GAB1: variants seen among roughly 807,000 people sequenced by gnomAD.
GAB1 encodes GRB2 associated binding protein 1.
A neutral mutation model predicts 66.5 loss-of-function variants in GAB1; 19 were observed. The ratio of observed to expected loss-of-function variants is 0.29; its 90% CI spans 0.20 to 0.42. The LOEUF is 0.42. Among genes scored for constraint, GAB1 ranks in the 10% least tolerant of loss-of-function variants. GAB1 has a pLI of 1.00. For missense variants in GAB1, 732 were observed against 858.5 expected (o/e 0.85, Z 1.84); for synonymous variants, 294 against 301.4 (o/e 0.98, Z 0.25).
rs1273805816 is a variant in GAB1, at chr4:143,349,683, G to A, written c.72+12423G>A. 3 of 1,523,792 alleles carry A rather than the reference G, an allele frequency of 2.0e-6. No individual in the cohort carries two copies. The East Asian group carries it at 6.9e-5, about 35-fold the overall frequency. 94.4% of individuals were successfully genotyped at this position (1,523,792 alleles called of 1,614,324 possible). A position where few individuals can be genotyped will look rare whatever the true frequency, so the allele number is the denominator to read the frequency against. On this transcript the variant is annotated intron_variant, in intron 1 of 9. Coordinates refer to ENST00000262994, the MANE Select transcript of GAB1 (RefSeq NM_002039.4). The stretch of plus-strand genomic sequence containing the variant: ...TGTGCACGGGGACAATGGAGAGCTT[G>A]GCCAGGATGATGGCCCCACAGATGG...
chr4:143,463,344 G>A (rs916472645), intron 8 of GAB1, among the ~76,000 whole-genome samples: 2 of 151,826 alleles, frequency 1.3e-5, no homozygotes, highest in Non-Finnish European at 2.9e-5. Context: ...AATCTAGGCC[G>A]GGCATAGTGG....
At chr4:143,405,224 G>GAT (rs972490419) in intron 1 of GAB1, among the ~76,000 whole-genome samples, 115 of 151,968 alleles carry the variant, frequency 7.6e-4, no homozygotes, top group African/African-American at 2.4e-3. Context: ...CAAATGTATG[G>GAT]ATATATAGAG....
intron 1 of GAB1, among the ~76,000 whole-genome samples, chr4:143,352,339 A>G (rs1480530943): frequency 6.6e-6 from 1 of 152,210 alleles, no homozygotes; most frequent in Non-Finnish European, 1.5e-5. Flanking sequence ...GTCTGCATTT[A>G]TGCTGATGTC....
At chr4:143,461,428 G>A (rs924488843) in intron 8 of GAB1, among the ~76,000 whole-genome samples, 1 of 152,132 alleles carries the variant, frequency 6.6e-6, no homozygotes, top group Non-Finnish European at 1.5e-5. Flanking sequence ...CTTGGGTGTG[G>A]CACATATGCT....
At chr4:143,443,116 A>C (rs1225299742) in intron 6 of GAB1, among the ~76,000 whole-genome samples, 2 of 147,046 alleles carry the variant, frequency 1.4e-5, no homozygotes, top group Non-Finnish European at 3.0e-5. Context: ...TCTGGGGTTC[A>C]CGCCATTCTC....
At chr4:143,415,452 A>G in intron 1 of GAB1, 25 bp from the exon 2 acceptor site, 1 of 1,551,416 alleles carries the variant, frequency 6.4e-7, no homozygotes, top group South Asian at 1.2e-5. Flanking sequence ...TTAATACTGA[A>G]TGGATATTTT....
rs774444051 is a variant in GAB1 at position 143,438,499 on chromosome 4, C to T, written c.1094C>T (p.Thr365Ile). The change falls in exon 4 of 10, where the codon ACC (threonine) becomes ATC (isoleucine). Residue 365 changes from threonine to isoleucine, a missense_variant. Coordinates refer to ENST00000262994, the MANE Select transcript of GAB1 (RefSeq NM_002039.4). ...SPVETCSIPRTASDTDSSYCI... is the reference protein window; with the variant it reads ...SPVETCSIPRIASDTDSSYCI... ...GTGGAAACGTGTAGTATCCCACGCA[C>T]CGCCTCAGACACTGACAGTAGTTAC... 1.2e-5 allele frequency: 19 copies of T among 1,613,946 alleles called. No homozygotes were observed. Among genetic ancestry groups the T allele is most frequent in the African/African-American group, 2.7e-5 (2 of 74,898 alleles).
At chr4:143,430,584 A>G (rs192234184) in intron 2 of GAB1, among the ~76,000 whole-genome samples, 25 of 152,348 alleles carry the variant, frequency 1.6e-4, no homozygotes, top group Admixed American at 1.3e-3. Context: ...TAATTATGTT[A>G]GAGGGTTAAA....
At chr4:143,444,865 C>T (rs1408099374) in intron 6 of GAB1, among the ~76,000 whole-genome samples, 2 of 152,126 alleles carry the variant, frequency 1.3e-5, no homozygotes, top group Non-Finnish European at 2.9e-5. Flanking sequence ...ATTTGGTTTT[C>T]TGTTCCTGCG....
At chr4:143,417,331 C>G (rs1029450955) in intron 2 of GAB1, 1 of 329,908 alleles carries the variant, frequency 3.0e-6, no homozygotes, top group African/African-American at 2.2e-5. Context: ...GGTGCCTATC[C>G]TGGAAAGAGC....
Position 143,460,418 on chromosome 4 carries a change from A to C in GAB1, c.1734A>C (p.Ser578=), listed in dbSNP as rs1254428486. The C allele has an allele frequency of 6.2e-7, 1 of 1,613,720 alleles. No individual in the cohort carries two copies. The highest frequency in any genetic ancestry group is 2.2e-5 in the East Asian group (1 of 44,868). The part of the protein sequence containing the change: ...PRPDSVHSTT[S]SSDSHDSEEN... Reference sequence around the variant, plus strand: ...CAGATTCAGTGCATAGCACAACTTCAAGCAGTGACTCACACGACAGTGAAG... The same window carrying C: ...CAGATTCAGTGCATAGCACAACTTCCAGCAGTGACTCACACGACAGTGAAG... Residue 578 remains serine, a synonymous_variant, in exon 8 of 10, where the codon TCA becomes TCC. Transcript: ENST00000262994.
chr4:143,351,423 C>T (rs899346768), intron 1 of GAB1, among the ~76,000 whole-genome samples: 1 of 152,212 alleles, frequency 6.6e-6, no homozygotes, highest in Non-Finnish European at 1.5e-5. Flanking sequence ...CCTGCGGGTG[C>T]TCTTCCGCGG....
intron 1 of GAB1, among the ~76,000 whole-genome samples, chr4:143,402,011 A>AT (rs2149700829): frequency 6.6e-6 from 1 of 152,268 alleles, no homozygotes; most frequent in African/African-American, 2.4e-5. Context: ...AGGCACAGAC[A>AT]TTTAAAATTT....
chr4:143,451,705 G>A (rs1255232536), intron 6 of GAB1, among the ~76,000 whole-genome samples: 1 of 152,022 alleles, frequency 6.6e-6, no homozygotes, highest in Non-Finnish European at 1.5e-5. Context: ...CAGGGTTCTT[G>A]AAGTCTTTGT....
At chr4:143,388,693 G>A (rs1263666178) in intron 1 of GAB1, among the ~76,000 whole-genome samples, 5 of 152,132 alleles carry the variant, frequency 3.3e-5, no homozygotes, top group African/African-American at 1.2e-4. Context: ...GGGATTATAG[G>A]CATGAGTCAC....
In GAB1 at chr4:143,474,139, T is replaced by C. The variant is rs1462841253; in HGVS notation, c.*4950T>C. The C allele has an allele frequency of 6.6e-6, 1 of 152,178 alleles. No individual in the cohort carries two copies. Among genetic ancestry groups the C allele is most frequent in the African/African-American group, 2.4e-5 (1 of 41,434 alleles). The allele number at this position is 152,178 out of a possible 1,614,324, so 9.4% of individuals were successfully genotyped here. On this transcript the variant is annotated 3_prime_UTR_variant, in exon 10 of 10. Coordinates refer to ENST00000262994, the MANE Select transcript of GAB1 (RefSeq NM_002039.4). ...TGATTGGGTAACATGTCCCCTTAGA[T>C]TTCCTGATTTAAAATTATACAAAAT...
rs1736159515 is a variant in GAB1 at position 143,473,273 on chromosome 4, T to C, written c.*4084T>C. ...TAAAGGTCCCATTGTAGATCTTTTC[T>C]GCTACCAAATAAAACTTTTCAAACA... On this transcript the variant is annotated 3_prime_UTR_variant, in exon 10 of 10. Transcript: ENST00000262994. 1.3e-5 allele frequency: 2 copies of C among 152,186 alleles called. No individual in the cohort carries two copies. The highest frequency in any genetic ancestry group is 2.1e-4 in the South Asian group (1 of 4,832). The allele number at this position is 152,186 out of a possible 1,614,324, so 9.4% of individuals were successfully genotyped here.
intron 1 of GAB1, among the ~76,000 whole-genome samples, chr4:143,344,173 G>A (rs575999256): frequency 2.6e-5 from 4 of 152,316 alleles, no homozygotes; most frequent in Non-Finnish European, 5.9e-5. Context: ...TTGCTTCTGA[G>A]TTCCAGCAGC....
At chr4:143,359,772 C>T (rs1382201387) in intron 1 of GAB1, among the ~76,000 whole-genome samples, 1 of 152,186 alleles carries the variant, frequency 6.6e-6, no homozygotes, top group Non-Finnish European at 1.5e-5. Context: ...CTGAGATTTT[C>T]AGGGGTTGCC....
Sources: allele counts gnomAD v4.1 joint callset (sites outside exome capture counted in the v4.1 genomes callset), GRCh38; gene constraint gnomAD v4.1.1; transcripts MANE v1.5; gene names NCBI Gene and HGNC (gene_info 2026-07-23, HGNC 2026-07-21).